Variants in WDR4 observed in about 807,000 individuals in gnomAD.
The protein encoded by WDR4 is tRNA (guanine-N(7)-)-methyltransferase non-catalytic subunit WDR4.
Under a neutral mutation model 48.6 loss-of-function variants are expected in WDR4, and 47 were observed. The ratio of observed to expected loss-of-function variants is 0.97; its 90% CI spans 0.77 to 1.23. The LOEUF (loss-of-function observed/expected upper bound fraction) is 1.23, where lower values mean the gene tolerates loss of function less well. Ranked by LOEUF, WDR4 falls within the 50% of genes most tolerant of loss-of-function variation. WDR4 has a pLI of 0.00. For synonymous variants in WDR4, 268 were observed against 230.0 expected (o/e 1.17, Z -1.49); for missense variants, 606 against 551.6 (o/e 1.10, Z -0.99).
chr21:42,851,302 G>C (rs1158430990), intron 10 of WDR4, among the ~76,000 whole-genome samples: 3 of 152,178 alleles, frequency 2.0e-5, no homozygotes, highest in African/African-American at 7.2e-5. Context: ...AACCACGCTG[G>C]GGGGCCCAAC....
At chr21:42,870,440 G>T (rs998279466) in intron 3 of WDR4, among the ~76,000 whole-genome samples, 1 of 152,212 alleles carries the variant, frequency 6.6e-6, no homozygotes, top group East Asian at 1.9e-4. Flanking sequence ...ACACCCAAGC[G>T]GCTCTTGTGC....
upstream of WDR4, among the ~76,000 whole-genome samples, chr21:42,880,934 C>CTT (rs33934531): frequency 0.22 from 31,262 of 143,042 alleles, 4,149 homozygotes; most frequent in Non-Finnish European, 0.31. Context: ...TCCCACTAGT[C>CTT]TTTTTTTTTT....
rs796985028 is a variant in WDR4 at position 42,859,577 on chromosome 21, A to AGGGGCCAGCGATCCACC, written c.627+84_627+85insGGTGGATCGCTGGCCCC. 9,591 of 1,374,388 alleles carry AGGGGCCAGCGATCCACC rather than the reference A, an allele frequency of 7.0e-3. 708 individuals are homozygous for AGGGGCCAGCGATCCACC. In the African/African-American group the frequency reaches 0.13, roughly 19 times the overall value. 85.1% of individuals were successfully genotyped at this position (1,374,388 alleles called of 1,614,324 possible). A position where few individuals can be genotyped will look rare whatever the true frequency, so the allele number is the denominator to read the frequency against. On this transcript the variant is annotated intron_variant, in intron 6 of 10. Transcript: ENST00000398208. The stretch of plus-strand genomic sequence containing the variant: ...AGCCAGCCAGGGGCCAGCGATCCAC[A>AGGGGCCAGCGATCCACC]GGGGCCAGGTCCAGGAGGCGCCCAC...
chr21:42,857,822 A>C (rs1389199705), intron 6 of WDR4, among the ~76,000 whole-genome samples: 1 of 152,132 alleles, frequency 6.6e-6, no homozygotes, highest in East Asian at 1.9e-4. Flanking sequence ...ATTATGGCCC[A>C]GCATGGTGGC....
At position 42,853,556 on chromosome 21, in the gene WDR4, T is replaced by C. The variant is rs769124637; in HGVS notation, c.975+13A>G. The C allele has an allele frequency of 1.2e-6, 2 of 1,602,484 alleles. No homozygotes were observed. Among genetic ancestry groups the C allele is most frequent in the South Asian group, 1.1e-5 (1 of 89,300 alleles). On this transcript the variant is annotated intron_variant, in intron 9 of 10. Coordinates refer to ENST00000398208, the MANE Select transcript of WDR4 (RefSeq NM_018669.6). The stretch of plus-strand genomic sequence containing the variant: ...GGCAGGGCATAGGACATCTGGAAGG[T>C]GCCGAGTCTCACCTGCCACTGGTCG...
chr21:42,879,261 C>A (rs751281930), intron 1 of WDR4, 146 bp downstream of exon 1: 3 of 1,371,172 alleles, frequency 2.2e-6, no homozygotes, highest in Non-Finnish European at 2.8e-6. Flanking sequence ...GCCGAGACTG[C>A]GGCGGAGGAC....
At chr21:42,867,996 C>T (rs547905584) in intron 3 of WDR4, among the ~76,000 whole-genome samples, 22 of 152,284 alleles carry the variant, frequency 1.4e-4, no homozygotes, top group African/African-American at 4.6e-4. Flanking sequence ...GCCCCCCACC[C>T]GCCCAGCCTG....
At chr21:42,847,205 G>A (rs1342782810), downstream of WDR4, among the ~76,000 whole-genome samples, 4 of 152,212 alleles carry the variant, frequency 2.6e-5, no homozygotes, top group Admixed American at 1.3e-4. Context: ...ACAGGGTGGC[G>A]ACATCTCACA....
intron 6 of WDR4, 57 bp downstream of exon 6, chr21:42,859,605 C>T: frequency 9.3e-7 from 1 of 1,071,986 alleles, no homozygotes; most frequent in Non-Finnish European, 1.4e-6. Flanking sequence ...GCGCCCACCC[C>T]ACCCTCCCTG....
intron 6 of WDR4, among the ~76,000 whole-genome samples, chr21:42,858,566 C>T (rs2146029191): frequency 6.6e-6 from 1 of 152,344 alleles, no homozygotes; most frequent in South Asian, 2.1e-4. Context: ...CTTTTGGCAG[C>T]TACCAGATGA....
Position 42,866,069 on chromosome 21 carries a change from G to C in WDR4, c.297-2473C>G, listed in dbSNP as rs185785121. Reference sequence around the variant, plus strand: ...TCTGCCTTTCCCACGTGCTGCCGTGGCTCTCACAGTTGTTTTCGGAAACAC... The same window carrying C: ...TCTGCCTTTCCCACGTGCTGCCGTGCCTCTCACAGTTGTTTTCGGAAACAC... On this transcript the variant is annotated intron_variant, in intron 3 of 10. Coordinates refer to ENST00000398208, the MANE Select transcript of WDR4 (RefSeq NM_018669.6). Among the ~76,000 whole-genome samples the C allele has an allele frequency of 5.7e-3, 873 of 152,264 alleles. 10 individuals carry two copies. The highest frequency in any genetic ancestry group is 7.5e-3 in the Non-Finnish European group (513 of 68,028).
At chr21:42,861,347 G>C in intron 5 of WDR4, among the ~76,000 whole-genome samples, 1 of 149,420 alleles carries the variant, frequency 6.7e-6, no homozygotes, top group Non-Finnish European at 1.5e-5. Context: ...GGGGTGGGGA[G>C]GGGGGAAGGA....
At chr21:42,852,448 C>A in intron 9 of WDR4, 124 bp from the exon 10 acceptor site, 3 of 1,068,796 alleles carry the variant, frequency 2.8e-6, no homozygotes, top group South Asian at 1.5e-5. Flanking sequence ...CCTGGGGACC[C>A]CCATTCACCT....
chr21:42,889,424 G>C, the WDR4 span, among the ~76,000 whole-genome samples: 2 of 152,288 alleles, frequency 1.3e-5, no homozygotes, highest in East Asian at 1.9e-4. Flanking sequence ...TTCCTTGCTA[G>C]CAGATTGCTT....
intron 9 of WDR4, among the ~76,000 whole-genome samples, chr21:42,852,975 C>T (rs1188861129): frequency 1.3e-5 from 2 of 151,898 alleles, no homozygotes; most frequent in African/African-American, 4.8e-5. Flanking sequence ...TGGGTACCTA[C>T]TCCACTCAAC....
At chr21:42,886,421 A>C in the WDR4 span, among the ~76,000 whole-genome samples, 1 of 152,198 alleles carries the variant, frequency 6.6e-6, no homozygotes, top group Non-Finnish European at 1.5e-5. Context: ...GCTAGTGTAC[A>C]TGGGATCCTT....
rs181591586 is a variant in WDR4 at position 42,859,693 on chromosome 21, G to A, written c.596C>T (p.Thr199Ile). 2.3e-4 allele frequency: 358 copies of A among 1,563,528 alleles called. 4 individuals carry two copies. The Admixed American group carries it at 6.6e-3, about 29-fold the overall frequency. Residue 199 changes from threonine to isoleucine, a missense_variant, in exon 6 of 11, where the codon ACT (threonine) becomes ATT (isoleucine). Thr to Ile is a moderately conservative substitution (Grantham distance 89, BLOSUM62 -1). Coordinates refer to ENST00000398208, the MANE Select transcript of WDR4 (RefSeq NM_018669.6). ...EFVSRISVVP[T>I]QPGLLLSSSG... Reference sequence around the variant, plus strand: ...GGAGGACAGAAGCAGCCCGGGCTGAGTTGGCACCACGGAGATACGGCTCAC... The same window carrying A: ...GGAGGACAGAAGCAGCCCGGGCTGAATTGGCACCACGGAGATACGGCTCAC...
Position 42,850,129 on chromosome 21 carries a change from G to GCTT in WDR4, c.1156_1158dup (p.Lys386dup). The stretch of plus-strand genomic sequence containing the variant: ...CCAGGCGGGGGACTCCGGCGCCGCT[G>GCTT]CTTCTTCTCTAGCTGCTGCTGCAGT... On this transcript the variant is annotated inframe_insertion, in exon 11 of 11. Transcript: ENST00000398208. 1 of 1,614,060 alleles carries GCTT rather than the reference G, an allele frequency of 6.2e-7. No individual in the cohort carries two copies.
At position 42,852,252 on chromosome 21, in the gene WDR4, C is replaced by T; in HGVS notation, c.1045+3G>A. On this transcript the variant is annotated splice_donor_region_variant and intron_variant, in intron 10 of 10. Transcript: ENST00000398208. ...CAAGGGCAGCCTGCACCCGTGCTCT[C>T]ACCTTCCAGCATGGCCCAGTTCCCA... 5.6e-6 allele frequency: 9 copies of T among 1,614,102 alleles called. No individual in the cohort carries two copies. The highest frequency in any genetic ancestry group is 2.2e-5 in the East Asian group (1 of 44,890).
Sources: allele counts gnomAD v4.1 joint callset (sites outside exome capture counted in the v4.1 genomes callset), GRCh38; gene constraint gnomAD v4.1.1; transcripts MANE v1.5; gene names NCBI Gene and HGNC (gene_info 2026-07-23, HGNC 2026-07-21).